ZZEF1: variants seen among roughly 807,000 people sequenced by gnomAD.
The protein encoded by ZZEF1 is zinc finger ZZ-type and EF-hand domain containing 1.
Under a neutral mutation model 342.8 loss-of-function variants are expected in ZZEF1, and 157 were observed. The ratio of observed to expected loss-of-function variants is 0.46; its 90% CI spans 0.40 to 0.52. ZZEF1 has a LOEUF of 0.52. Among genes scored for constraint, ZZEF1 ranks in the 20% least tolerant of loss-of-function variants. The pLI is 0.00. For missense variants in ZZEF1, 3,480 were observed against 3,725.6 expected (o/e 0.93, Z 1.72); for synonymous variants, 1,505 against 1,429.1 (o/e 1.05, Z -1.20).
chr17:4,091,043 A>G (rs1248066323), intron 11 of ZZEF1, among the ~76,000 whole-genome samples: 1 of 152,168 alleles, frequency 6.6e-6, no homozygotes, highest in African/African-American at 2.4e-5. Context: ...TGAACTGGGA[A>G]ATATAATCTG....
At chr17:4,135,996 C>T (rs868309730) in intron 1 of ZZEF1, among the ~76,000 whole-genome samples, 57 of 125,504 alleles carry the variant, frequency 4.5e-4, no homozygotes, top group East Asian at 1.2e-3. Context: ...GATATTTTCT[C>T]TTTTTTTTTT....
intron 16 of ZZEF1, 50 bp downstream of exon 16, chr17:4,085,620 T>C: frequency 6.2e-7 from 1 of 1,607,274 alleles, no homozygotes; most frequent in Non-Finnish European, 8.5e-7. Flanking sequence ...CTAGCAAATT[T>C]CATCCTCACA....
At chr17:4,107,490 A>C (rs1356163776) in intron 6 of ZZEF1, among the ~76,000 whole-genome samples, 1 of 152,166 alleles carries the variant, frequency 6.6e-6, no homozygotes, top group Non-Finnish European at 1.5e-5. Flanking sequence ...CCTGATATGG[A>C]ATGCAGGCAC....
Position 4,087,469 on chromosome 17 carries a change from C to G in ZZEF1, c.2307G>C (p.Gln769His). ...ATTTACTGTAAAAATTCCAGAAGAT[C>G]TGCAAATCAAGACCCGCGAAGTCCA... ...SFLDFAGLDL[Q>H]IFWNFYSKLK... The change falls in exon 14 of 55, where the codon CAG becomes CAC. Residue 769 changes from glutamine to histidine, a missense_variant. Physicochemically the swap from Gln to His is conservative, Grantham distance 24. Transcript: ENST00000381638. 6.2e-7 allele frequency: 1 copy of G among 1,611,486 alleles called. No individual in the cohort carries two copies. The highest frequency in any genetic ancestry group is 8.5e-7 in the Non-Finnish European group (1 of 1,179,368).
At chr17:4,050,650 C>T in intron 36 of ZZEF1, 131 bp downstream of exon 36, 1 of 1,312,440 alleles carries the variant, frequency 7.6e-7, no homozygotes, top group South Asian at 1.3e-5. Context: ...AGTTCCACAC[C>T]AGGGTAAGCC....
intron 29 of ZZEF1, among the ~76,000 whole-genome samples, chr17:4,063,871 G>A (rs1338699243): frequency 2.0e-5 from 3 of 151,944 alleles, no homozygotes; most frequent in African/African-American, 7.3e-5. Context: ...GGGATTATAG[G>A]CATCCACCAC....
chr17:4,130,079 T>C (rs2058639528), intron 1 of ZZEF1, among the ~76,000 whole-genome samples: 1 of 152,130 alleles, frequency 6.6e-6, no homozygotes, highest in Admixed American at 6.5e-5. Context: ...TTAGTTGTAA[T>C]GTGTACAACC....
intron 53 of ZZEF1, 177 bp from the exon 54 acceptor site, chr17:4,009,131 C>A (rs922861091): frequency 1.3e-6 from 1 of 765,814 alleles, no homozygotes; most frequent in East Asian, 2.7e-5. Context: ...GCCAGGTGCC[C>A]GGTGCCGGGG....
chr17:4,132,431 G>A (rs2058674820), intron 1 of ZZEF1, among the ~76,000 whole-genome samples: 1 of 152,164 alleles, frequency 6.6e-6, no homozygotes, highest in Non-Finnish European at 1.5e-5. Flanking sequence ...TGATCCACCT[G>A]CCTCCGCCTG....
chr17:4,087,101 C>T (rs1158842910), intron 14 of ZZEF1, among the ~76,000 whole-genome samples: 3 of 152,154 alleles, frequency 2.0e-5, no homozygotes, highest in East Asian at 3.9e-4. Flanking sequence ...AGGCTGGTCT[C>T]GAACTCCTGA....
chr17:4,136,093 C>T (rs185497633), intron 1 of ZZEF1, among the ~76,000 whole-genome samples: 24 of 143,980 alleles, frequency 1.7e-4, no homozygotes, highest in African/African-American at 5.6e-4. Flanking sequence ...CAGGTTCAAG[C>T]GATTCTCCTG....
chr17:4,046,143 C>A (rs1191416792), intron 37 of ZZEF1, among the ~76,000 whole-genome samples: 2 of 152,104 alleles, frequency 1.3e-5, no homozygotes, highest in Non-Finnish European at 2.9e-5. Context: ...TTTTAAAAAA[C>A]AGAATAAACA....
intron 18 of ZZEF1, among the ~76,000 whole-genome samples, chr17:4,078,426 A>T (rs1216730082): frequency 6.6e-6 from 1 of 152,118 alleles, no homozygotes; most frequent in Non-Finnish European, 1.5e-5. Context: ...TGGCTCTCTA[A>T]CCATCACCTT....
intron 6 of ZZEF1, among the ~76,000 whole-genome samples, chr17:4,106,505 T>G (rs2058215413): frequency 6.6e-6 from 1 of 152,140 alleles, no homozygotes; most frequent in Admixed American, 6.5e-5. Flanking sequence ...AAAGAAAATT[T>G]TATAGCTAGG....
chr17:4,057,857 C>T, intron 32 of ZZEF1, 137 bp downstream of exon 32: 2 of 821,118 alleles, frequency 2.4e-6, no homozygotes, highest in Non-Finnish European at 3.7e-6. Context: ...CGCAAGGCCA[C>T]TCGGCTAGGA....
chr17:4,081,843 C>T (rs996494477), intron 17 of ZZEF1, among the ~76,000 whole-genome samples: 2 of 152,226 alleles, frequency 1.3e-5, no homozygotes, highest in Non-Finnish European at 2.9e-5. Flanking sequence ...CTTCACAGGA[C>T]GGCCCCAGGC....
In ZZEF1 at chr17:4,142,996, G is replaced by A. The variant is rs1320947177; in HGVS notation, c.-101C>T. On this transcript the variant is annotated 5_prime_UTR_variant, in exon 1 of 55. Transcript: ENST00000381638. Reference sequence around the variant, plus strand: ...GCAGCTGGCGGGCGGGGACGCGGAGGAGACGACGGCGGCCCCTGCGGCTTC... The same window carrying A: ...GCAGCTGGCGGGCGGGGACGCGGAGAAGACGACGGCGGCCCCTGCGGCTTC... The A allele has an allele frequency of 2.4e-6, 3 of 1,270,626 alleles. No individual in the cohort carries two copies. The highest frequency in any genetic ancestry group is 8.4e-5 in the Admixed American group (2 of 23,694). The allele number at this position is 1,270,626 out of a possible 1,614,324, so 78.7% of individuals were successfully genotyped here.
At chr17:4,076,421 C>G in intron 21 of ZZEF1, 1 of 444,102 alleles carries the variant, frequency 2.3e-6, no homozygotes, top group Non-Finnish European at 3.8e-6. Flanking sequence ...GCGTGAGCCA[C>G]TGCGCCCGGC....
chr17:4,102,471 T>C (rs2058143254), intron 8 of ZZEF1, 56 bp from the exon 9 acceptor site: 3 of 1,481,172 alleles, frequency 2.0e-6, no homozygotes, highest in South Asian at 1.1e-5. Flanking sequence ...AACTGGAAAC[T>C]AGCATGCCTA....
Sources: gnomAD v4.1 joint callset for allele counts (sites outside exome capture counted in the v4.1 genomes callset) on GRCh38, gnomAD v4.1.1 for gene constraint, MANE v1.5 for transcripts, NCBI Gene and HGNC (gene_info 2026-07-23, HGNC 2026-07-21) for gene names.